The following NLN variants were observed in gnomAD, a reference collection of about 807,000 sequenced individuals.
NLN encodes the protein neurolysin, mitochondrial.
In NLN, 64 loss-of-function variants were observed where a neutral mutation model predicts 79.9. The ratio of observed to expected loss-of-function variants is 0.80; its 90% CI spans 0.65 to 0.99. The LOEUF (loss-of-function observed/expected upper bound fraction) is 0.99, where lower values mean the gene tolerates loss of function less well. Among genes scored for constraint, NLN ranks in the 50% least tolerant of loss-of-function variants. The probability of loss-of-function intolerance (pLI) is 0.00; values close to 1 mark genes in which losing one functional copy is unlikely to be tolerated. For synonymous variants in NLN, 267 were observed against 296.6 expected, an observed-to-expected ratio of 0.90 and a Z score of 1.02; for missense variants, 835 against 858.7, an observed-to-expected ratio of 0.97 and a Z score of 0.34.
intron 3 of NLN, among the ~76,000 whole-genome samples, chr5:65,772,953 GTTT>G (rs34968007): frequency 1.4e-5 from 2 of 140,524 alleles, no homozygotes. Context: ...ATTCTTTTTT[GTTT>G]TTTTTTTTTT....
chr5:65,826,932 A>C lies in NLN; in HGVS notation c.*4017A>C, dbSNP rs1298546389. 5 of 152,038 alleles carry C rather than the reference A, an allele frequency of 3.3e-5. No homozygotes were observed. Among genetic ancestry groups the C allele is most frequent in the South Asian group, 2.1e-4 (1 of 4,800 alleles). 9.4% of individuals were successfully genotyped at this position (152,038 alleles called of 1,614,324 possible). On this transcript the variant is annotated 3_prime_UTR_variant, in exon 13 of 13. Coordinates refer to ENST00000380985, the MANE Select transcript of NLN (RefSeq NM_020726.5). ...AAAATAAAAAAAAAAGGAAAAGGAA[A>C]GACATACATACCCTCAGTTCTTCGA...
intron 1 of NLN, among the ~76,000 whole-genome samples, chr5:65,723,814 C>CAAAAAAAAAAAAAAAAAAAAAAAA (rs760572199): frequency 3.6e-5 from 2 of 55,316 alleles, no homozygotes; most frequent in African/African-American, 1.3e-4. Flanking sequence ...GACTCCGTCT[C>CAAAAAAAAAAAAAAAAAAAAAAAA]AAAAAAAAAA....
At chr5:65,738,061 G>A (rs2561219) in intron 1 of NLN, among the ~76,000 whole-genome samples, 31,800 of 151,270 alleles carry the variant, frequency 0.21, 3,489 homozygotes, top group Non-Finnish European at 0.24. Flanking sequence ...CTCGGGAGGC[G>A]GAGGTTGCAG....
At position 65,738,363 on chromosome 5, in the gene NLN, T is replaced by G. The variant is rs865872741; in HGVS notation, c.41+15949T>G. 4.6e-5 allele frequency among the ~76,000 whole-genome samples: 7 copies of G among 151,998 alleles called. No individual in the cohort carries two copies. In the Middle Eastern group the frequency reaches 0.02, roughly 443 times the overall value. On this transcript the variant is annotated intron_variant, in intron 1 of 12. Coordinates refer to ENST00000380985, the MANE Select transcript of NLN (RefSeq NM_020726.5). ...TCCTAGGAGGATGAGGCAGGAGGAT[T>G]GCAGGAGCCCAGGAGTTCAAGACTA...
chr5:65,765,632 C>T (rs760023245), intron 3 of NLN, among the ~76,000 whole-genome samples: 8 of 151,774 alleles, frequency 5.3e-5, no homozygotes, highest in Non-Finnish European at 7.4e-5. Context: ...TTGCTTGTGC[C>T]CAGGAGGTTG....
At chr5:65,787,934 G>C (rs558444148) in intron 7 of NLN, among the ~76,000 whole-genome samples, 184 bp from the exon 8 acceptor site, 1 of 152,318 alleles carries the variant, frequency 6.6e-6, no homozygotes, top group East Asian at 1.9e-4. Flanking sequence ...AGAGCAAAGT[G>C]TGCTTCCATA....
At chr5:65,786,116 G>C (rs1759915668) in intron 7 of NLN, 1 of 414,448 alleles carries the variant, frequency 2.4e-6, no homozygotes, top group East Asian at 3.5e-5. Context: ...TGGCTTCACT[G>C]TATCTTATAT....
chr5:65,741,400 G>A (rs909111268), intron 1 of NLN, among the ~76,000 whole-genome samples: 5 of 151,764 alleles, frequency 3.3e-5, no homozygotes, highest in African/African-American at 1.2e-4. Context: ...ATTGTCACAC[G>A]TAAAAATAAT....
intron 7 of NLN, 149 bp from the exon 8 acceptor site, chr5:65,787,968 CG>C (rs111232766): frequency 7.0e-6 from 5 of 715,968 alleles, no homozygotes; most frequent in South Asian, 5.7e-5. Context: ...TCCTCCCTCA[CG>C]TTTTTCCTCC....
intron 1 of NLN, among the ~76,000 whole-genome samples, chr5:65,749,965 A>G (rs1038611093): frequency 4.6e-5 from 7 of 152,170 alleles, no homozygotes; most frequent in African/African-American, 1.7e-4. Flanking sequence ...GAGTGTTTTA[A>G]CACTCCTGCA....
intron 3 of NLN, among the ~76,000 whole-genome samples, chr5:65,767,140 A>T (rs190948148): frequency 1.3e-3 from 201 of 152,320 alleles, no homozygotes; most frequent in Non-Finnish European, 2.4e-3. Flanking sequence ...GCAGTGCCCT[A>T]GTGGGGACTC....
At chr5:65,764,491 C>T (rs1261916764) in intron 3 of NLN, among the ~76,000 whole-genome samples, 1 of 152,198 alleles carries the variant, frequency 6.6e-6, no homozygotes, top group Non-Finnish European at 1.5e-5. Flanking sequence ...CATGCCACTG[C>T]ACTCCAGCCT....
intron 9 of NLN, among the ~76,000 whole-genome samples, chr5:65,798,846 T>C (rs1760222631): frequency 6.6e-6 from 1 of 152,186 alleles, no homozygotes; most frequent in Non-Finnish European, 1.5e-5. Flanking sequence ...TTTTTAAAAA[T>C]CAAAATATTT....
chr5:65,787,254 A>C (rs535676849), intron 7 of NLN, among the ~76,000 whole-genome samples: 1 of 149,058 alleles, frequency 6.7e-6, no homozygotes, highest in South Asian at 2.1e-4. Flanking sequence ...ATATATATGT[A>C]TGTGTGTGTG....
Position 65,809,549 on chromosome 5 carries a change from A to G in NLN, c.1562A>G (p.Glu521Gly). ...GCACGATTTAGCGGAACAAATGTGG[A>G]AACTGACTTTGTAGAGGTGCCATCG... ...DFARFSGTNV[E>G]TDFVEVPSQM... is the part of the protein sequence containing the mutation. Residue 521 changes from glutamate to glycine, a missense_variant, in exon 10 of 13, where the codon GAA (glutamate) becomes GGA (glycine). Glu to Gly is a moderately conservative substitution (Grantham distance 98). Coordinates refer to ENST00000380985, the MANE Select transcript of NLN (RefSeq NM_020726.5). The G allele has an allele frequency of 1.2e-6, 2 of 1,608,232 alleles. No individual in the cohort carries two copies. The highest frequency in any genetic ancestry group is 1.7e-6 in the Non-Finnish European group (2 of 1,178,580).
chr5:65,818,272 T>C (rs1012669300), intron 12 of NLN, among the ~76,000 whole-genome samples: 5 of 152,234 alleles, frequency 3.3e-5, no homozygotes, highest in Non-Finnish European at 5.9e-5. Flanking sequence ...AAAGGAACTA[T>C]TTTATTCAGC....
At chr5:65,746,551 G>A (rs1212752091) in intron 1 of NLN, among the ~76,000 whole-genome samples, 1 of 152,168 alleles carries the variant, frequency 6.6e-6, no homozygotes, top group East Asian at 1.9e-4. Context: ...GGGCTGGCTG[G>A]ACCACTTTGA....
chr5:65,809,535 C>T lies in NLN; in HGVS notation c.1548C>T (p.Ser516=), dbSNP rs145059363. The change falls in exon 10 of 13, where the codon AGC becomes AGT. Residue 516 remains serine (S), a synonymous_variant. Coordinates refer to ENST00000380985, the MANE Select transcript of NLN (RefSeq NM_020726.5). ...ICAQTDFARF[S]GTNVETDFVE... is the part of the protein sequence containing the mutation. The stretch of plus-strand genomic sequence containing the variant: ...TCTAGACTGATTTTGCACGATTTAG[C>T]GGAACAAATGTGGAAACTGACTTTG... 2.7e-5 allele frequency: 44 copies of T among 1,601,660 alleles called. No individual in the cohort carries two copies. Among genetic ancestry groups the T allele is most frequent in the Admixed American group, 1.1e-4 (6 of 56,164 alleles).
At chr5:65,822,278 C>T (rs1438162046) in intron 12 of NLN, among the ~76,000 whole-genome samples, 1 of 152,244 alleles carries the variant, frequency 6.6e-6, no homozygotes, top group African/African-American at 2.4e-5. Flanking sequence ...GGGGCACGTA[C>T]AGCCCTTCTT....
Sources: allele counts gnomAD v4.1 joint callset (sites outside exome capture counted in the v4.1 genomes callset), GRCh38; gene constraint gnomAD v4.1.1; transcripts MANE v1.5; gene names NCBI Gene and HGNC (gene_info 2026-07-23, HGNC 2026-07-21).